NELL1: variants seen among roughly 807,000 people sequenced by gnomAD.
NELL1 encodes neural EGFL like 1.
A neutral mutation model predicts 107.4 loss-of-function variants in NELL1; 76 were observed. The ratio of observed to expected loss-of-function variants is 0.71; its 90% CI spans 0.59 to 0.86. The LOEUF is 0.86. Among genes scored for constraint, NELL1 ranks in the 40% least tolerant of loss-of-function variants. NELL1 has a pLI of 0.00. For synonymous variants in NELL1, 353 were observed against 341.2 expected, an observed-to-expected ratio of 1.03 and a Z score of -0.38; for missense variants, 1,024 against 1,005.5, an observed-to-expected ratio of 1.02 and a Z score of -0.25.
chr11:21,307,891 T>G (rs1849642138), intron 14 of NELL1, among the ~76,000 whole-genome samples: 1 of 152,056 alleles, frequency 6.6e-6, no homozygotes, highest in Non-Finnish European at 1.5e-5. Context: ...AGAGTTAATT[T>G]TTTAAAAATT....
intron 11 of NELL1, among the ~76,000 whole-genome samples, chr11:20,952,670 G>A (rs182456060): frequency 3.9e-5 from 6 of 152,262 alleles, no homozygotes; most frequent in Admixed American, 3.9e-4. Context: ...GAAAGACAGG[G>A]CTATATGCTC....
At chr11:21,007,757 A>G (rs1647176319) in intron 12 of NELL1, among the ~76,000 whole-genome samples, 1 of 152,048 alleles carries the variant, frequency 6.6e-6, no homozygotes, top group Non-Finnish European at 1.5e-5. Flanking sequence ...TTCCATTCTC[A>G]AAGAACAATG....
chr11:21,574,877 CA>C (rs1257905970), intron 19 of NELL1, 94 bp from the exon 20 acceptor site: 17 of 1,036,652 alleles, frequency 1.6e-5, no homozygotes, highest in Non-Finnish European at 2.5e-5. Context: ...AAGTTTGTCT[CA>C]AAATGCTGAA....
chr11:20,937,762 AC>A (rs1430332198), intron 9 of NELL1, 23 bp from the exon 10 acceptor site: 4 of 1,598,108 alleles, frequency 2.5e-6, no homozygotes, highest in Non-Finnish European at 3.4e-6. Flanking sequence ...GGACTGTCTG[AC>A]CCATTTTTAT....
chr11:20,770,089 A>C (rs1856611107), intron 2 of NELL1, among the ~76,000 whole-genome samples: 1 of 152,130 alleles, frequency 6.6e-6, no homozygotes, highest in Non-Finnish European at 1.5e-5. Flanking sequence ...ATGATCAAAG[A>C]CCAATTTTCC....
chr11:21,074,470 T>C (rs559335191), intron 12 of NELL1, among the ~76,000 whole-genome samples: 1 of 152,330 alleles, frequency 6.6e-6, no homozygotes, highest in Non-Finnish European at 1.5e-5. Flanking sequence ...GTATTATATA[T>C]AATATAGAGG....
chr11:21,551,573 A>G (rs1465453986), intron 16 of NELL1, among the ~76,000 whole-genome samples: 1 of 151,660 alleles, frequency 6.6e-6, no homozygotes. Flanking sequence ...AATGCAAATC[A>G]AAACCGCAAT....
intron 13 of NELL1, among the ~76,000 whole-genome samples, chr11:21,167,657 T>C (rs1461896038): frequency 6.6e-6 from 1 of 151,864 alleles, no homozygotes; most frequent in Non-Finnish European, 1.5e-5. Context: ...CCACCGACCT[T>C]CTGGAGTATG....
chr11:21,426,789 T>C (rs926716034), intron 15 of NELL1, among the ~76,000 whole-genome samples: 24 of 152,128 alleles, frequency 1.6e-4, no homozygotes, highest in African/African-American at 5.6e-4. Flanking sequence ...TTATAGGAAA[T>C]TGATCTTGTG....
At chr11:21,529,166 C>G (rs1855933513) in intron 15 of NELL1, among the ~76,000 whole-genome samples, 1 of 152,014 alleles carries the variant, frequency 6.6e-6, no homozygotes, top group African/African-American at 2.4e-5. Flanking sequence ...GGAAGCCAGG[C>G]AGAAAAATGT....
chr11:21,339,602 C>T (rs1415339870), intron 14 of NELL1, among the ~76,000 whole-genome samples: 3 of 152,158 alleles, frequency 2.0e-5, no homozygotes, highest in African/African-American at 4.8e-5. Context: ...TTCATGTTTA[C>T]CAGACCTAGT....
At chr11:21,477,734 G>A (rs983398319) in intron 15 of NELL1, among the ~76,000 whole-genome samples, 5 of 152,088 alleles carry the variant, frequency 3.3e-5, no homozygotes, top group South Asian at 2.1e-4. Context: ...CCTAAGATAC[G>A]TGACCTTTCA....
intron 15 of NELL1, among the ~76,000 whole-genome samples, chr11:21,525,459 A>C (rs1025806074): frequency 1.3e-5 from 2 of 152,220 alleles, no homozygotes; most frequent in Non-Finnish European, 2.9e-5. Flanking sequence ...CCATTTGCCT[A>C]ATGAAGAACC....
At chr11:21,097,524 T>G (rs1360205907) in intron 12 of NELL1, among the ~76,000 whole-genome samples, 3 of 151,290 alleles carry the variant, frequency 2.0e-5, no homozygotes, top group Admixed American at 6.6e-5. Flanking sequence ...TTTTCCTAAA[T>G]GTACTGGGGG....
At chr11:21,202,297 T>C (rs1348129460) in intron 13 of NELL1, among the ~76,000 whole-genome samples, 1 of 152,222 alleles carries the variant, frequency 6.6e-6, no homozygotes, top group Non-Finnish European at 1.5e-5. Context: ...ACTGCTTCAA[T>C]TTCAGAACTT....
chr11:20,697,082 G>C (rs891347444), intron 2 of NELL1, among the ~76,000 whole-genome samples: 48 of 152,136 alleles, frequency 3.2e-4, no homozygotes, highest in African/African-American at 1.2e-3. Flanking sequence ...AACTTACAAG[G>C]AGGCAACTTT....
At chr11:21,359,594 G>A (rs549499482) in intron 14 of NELL1, among the ~76,000 whole-genome samples, 1 of 152,184 alleles carries the variant, frequency 6.6e-6, no homozygotes, top group African/African-American at 2.4e-5. Flanking sequence ...TTCTTTCAAT[G>A]TCTAATAGAA....
chr11:21,235,690 G>T (rs960174028), intron 14 of NELL1, among the ~76,000 whole-genome samples: 1 of 152,066 alleles, frequency 6.6e-6, no homozygotes, highest in Non-Finnish European at 1.5e-5. Flanking sequence ...GAACATGGAT[G>T]ACAAAAATCC....
intron 15 of NELL1, among the ~76,000 whole-genome samples, chr11:21,492,439 A>G (rs1014340676): frequency 1.3e-5 from 2 of 152,040 alleles, no homozygotes; most frequent in African/African-American, 4.8e-5. Context: ...ATAAGGACAC[A>G]TGCACACGTA....
Sources: gnomAD v4.1 joint callset for allele counts (sites outside exome capture counted in the v4.1 genomes callset) on GRCh38, gnomAD v4.1.1 for gene constraint, MANE v1.5 for transcripts, NCBI Gene and HGNC (gene_info 2026-07-23, HGNC 2026-07-21) for gene names.